LCLAT1: variants seen among roughly 807,000 people sequenced by gnomAD.
LCLAT1 encodes the protein lysocardiolipin acyltransferase 1.
LCLAT1 carries 11 observed loss-of-function variants against 30.7 expected under a neutral mutation model. That is an observed-to-expected ratio of 0.36 (90% confidence interval 0.23 to 0.59). The LOEUF (loss-of-function observed/expected upper bound fraction) is 0.59, where lower values mean the gene tolerates loss of function less well. Ranked by LOEUF, LCLAT1 falls within the 20% of genes least tolerant of loss-of-function variation. The pLI, the probability that LCLAT1 is intolerant of heterozygous loss-of-function variation, is 0.77. For missense variants in LCLAT1, 402 were observed against 458.6 expected (o/e 0.88, Z 1.13); for synonymous variants, 155 against 151.3 (o/e 1.02, Z -0.18).
At chr2:30,622,963 G>A (rs1265618021) in intron 5 of LCLAT1, among the ~76,000 whole-genome samples, 1 of 151,644 alleles carries the variant, frequency 6.6e-6, no homozygotes, top group Non-Finnish European at 1.5e-5. Context: ...CAAAATCTCT[G>A]AATTGCCTGT....
chr2:30,637,241 G>C (rs891302220), intron 5 of LCLAT1, among the ~76,000 whole-genome samples: 7 of 151,922 alleles, frequency 4.6e-5, no homozygotes, highest in African/African-American at 1.7e-4. Flanking sequence ...GATAGAGAGT[G>C]CTCTAAAATA....
At chr2:30,617,020 CT>C (rs1668026505) in intron 5 of LCLAT1, among the ~76,000 whole-genome samples, 1 of 151,876 alleles carries the variant, frequency 6.6e-6, no homozygotes. Context: ...TTTGAGACGC[CT>C]TAAAAAAACA....
intron 1 of LCLAT1, among the ~76,000 whole-genome samples, chr2:30,472,471 C>A (rs1330958699): frequency 6.6e-6 from 1 of 152,066 alleles, no homozygotes; most frequent in African/African-American, 2.4e-5. Context: ...GTTTATGAGG[C>A]CTACACTGGA....
intron 1 of LCLAT1, among the ~76,000 whole-genome samples, chr2:30,491,671 T>C (rs1402312241): frequency 6.6e-6 from 1 of 152,230 alleles, no homozygotes; most frequent in African/African-American, 2.4e-5. Flanking sequence ...CTTGTAGATT[T>C]ATTTTTAATT....
In LCLAT1 at chr2:30,460,641, G is replaced by A. The variant is rs560722075; in HGVS notation, c.-5+13258G>A. On this transcript the variant is annotated intron_variant, in intron 1 of 5. Coordinates refer to ENST00000379509, the MANE Select transcript of LCLAT1 (RefSeq NM_001002257.3). Reference sequence around the variant, plus strand: ...GGATTTCCTTATAGATGTATCTTTTGTTATTCATAACAAGAGTCTCTTTTG... The same window carrying A: ...GGATTTCCTTATAGATGTATCTTTTATTATTCATAACAAGAGTCTCTTTTG... 1.0e-3 allele frequency among the ~76,000 whole-genome samples: 157 copies of A among 152,166 alleles called. 1 individual carries two copies. Among genetic ancestry groups the A allele is most frequent in the African/African-American group, 3.2e-3 (131 of 41,510 alleles).
At chr2:30,488,865 A>G (rs563169842) in intron 1 of LCLAT1, among the ~76,000 whole-genome samples, 1 of 152,372 alleles carries the variant, frequency 6.6e-6, no homozygotes, top group South Asian at 2.1e-4. Flanking sequence ...GAATTAACAA[A>G]TGATGCTCAC....
chr2:30,494,383 T>C (rs1221662427), intron 1 of LCLAT1, among the ~76,000 whole-genome samples: 1 of 152,184 alleles, frequency 6.6e-6, no homozygotes, highest in Non-Finnish European at 1.5e-5. Flanking sequence ...TTTGAAAGAC[T>C]TGTTTCACAT....
At chr2:30,524,240 C>A (rs1199860553) in intron 1 of LCLAT1, among the ~76,000 whole-genome samples, 2 of 152,068 alleles carry the variant, frequency 1.3e-5, no homozygotes, top group Non-Finnish European at 2.9e-5. Context: ...GCTATGAGGA[C>A]CCCCTACAGT....
chr2:30,624,708 A>G (rs187919934), intron 5 of LCLAT1, among the ~76,000 whole-genome samples: 1 of 152,338 alleles, frequency 6.6e-6, no homozygotes, highest in Non-Finnish European at 1.5e-5. Context: ...TAGACAGGTC[A>G]TCAAGACAGA....
chr2:30,564,424 T>A (rs184148912), intron 4 of LCLAT1, among the ~76,000 whole-genome samples: 1 of 152,100 alleles, frequency 6.6e-6, no homozygotes, highest in African/African-American at 2.4e-5. Context: ...TATGTAAAAC[T>A]TTTTTCATTC....
intron 5 of LCLAT1, among the ~76,000 whole-genome samples, chr2:30,630,098 TTCCTGAAGCCTC>T (rs1668700174): frequency 6.6e-6 from 1 of 152,178 alleles, no homozygotes; most frequent in South Asian, 2.1e-4. Context: ...AGGTCAGCTT[TTCCTGAAGCCTC>T]TCCTTCATGG....
chr2:30,499,413 C>T (rs1244926235), intron 1 of LCLAT1, among the ~76,000 whole-genome samples: 1 of 152,186 alleles, frequency 6.6e-6, no homozygotes, highest in African/African-American at 2.4e-5. Context: ...AACTCCTGAC[C>T]TCAGGTGATC....
chr2:30,549,173 A>G (rs1203513991), intron 3 of LCLAT1, among the ~76,000 whole-genome samples: 2 of 152,234 alleles, frequency 1.3e-5, no homozygotes, highest in East Asian at 3.8e-4. Flanking sequence ...TGAAGTTGAC[A>G]GTTTCTTTGG....
intron 1 of LCLAT1, among the ~76,000 whole-genome samples, chr2:30,505,328 CTTTTTTT>C (rs3061277): frequency 2.2e-5 from 3 of 138,276 alleles, no homozygotes; most frequent in Admixed American, 7.2e-5. Flanking sequence ...AGGGGCAAAA[CTTTTTTT>C]TTTTTTTTTT....
At chr2:30,562,842 G>A (rs940785016) in intron 4 of LCLAT1, among the ~76,000 whole-genome samples, 4 of 151,812 alleles carry the variant, frequency 2.6e-5, no homozygotes, top group East Asian at 1.9e-4. Flanking sequence ...ACTCCTCAGC[G>A]TCTTCCTCAT....
intron 1 of LCLAT1, among the ~76,000 whole-genome samples, chr2:30,459,400 C>G (rs1681990017): frequency 6.6e-6 from 1 of 152,192 alleles, no homozygotes; most frequent in Non-Finnish European, 1.5e-5. Flanking sequence ...ACCCAGCTTC[C>G]TGAGTTGCCC....
chr2:30,475,403 G>C (rs1304204542), intron 1 of LCLAT1, among the ~76,000 whole-genome samples: 11 of 152,080 alleles, frequency 7.2e-5, no homozygotes, highest in Non-Finnish European at 1.2e-4. Flanking sequence ...ATGTAATCTG[G>C]TATTATATGC....
chr2:30,618,092 G>C (rs1668079166), intron 5 of LCLAT1, among the ~76,000 whole-genome samples: 1 of 152,062 alleles, frequency 6.6e-6, no homozygotes, highest in African/African-American at 2.4e-5. Context: ...GTGTTCATCT[G>C]TTTCTAGACT....
At chr2:30,628,826 G>A (rs867612043) in intron 5 of LCLAT1, among the ~76,000 whole-genome samples, 2 of 152,136 alleles carry the variant, frequency 1.3e-5, no homozygotes. Flanking sequence ...GAGAAATATA[G>A]GATACATGTA....
Sources: gnomAD v4.1 joint callset for allele counts (sites outside exome capture counted in the v4.1 genomes callset) on GRCh38, gnomAD v4.1.1 for gene constraint, MANE v1.5 for transcripts, NCBI Gene and HGNC (gene_info 2026-07-23, HGNC 2026-07-21) for gene names.